Variants in HTR1F observed in about 807,000 individuals in gnomAD.
HTR1F encodes the protein 5-hydroxytryptamine receptor 1F.
A neutral mutation model predicts 24.0 loss-of-function variants in HTR1F; 17 were observed. That is an observed-to-expected ratio of 0.71 (90% confidence interval 0.48 to 1.06). The LOEUF is 1.06. Ranked by LOEUF, HTR1F falls within the 50% of genes least tolerant of loss-of-function variation. HTR1F has a pLI of 0.00. For missense variants in HTR1F, 391 were observed against 427.8 expected (o/e 0.91, Z 0.76); for synonymous variants, 186 against 156.8 (o/e 1.19, Z -1.39).
At chr3:87,821,980 G>T (rs963314697) in intron 1 of HTR1F, among the ~76,000 whole-genome samples, 28 bp from the exon 2 acceptor site, 1 of 152,084 alleles carries the variant, frequency 6.6e-6, no homozygotes, top group Non-Finnish European at 1.5e-5. Context: ...GACAAGAAAT[G>T]ATTTGTTTTA....
At chr3:87,808,181 G>C (rs1307382004) in intron 1 of HTR1F, among the ~76,000 whole-genome samples, 2 of 151,878 alleles carry the variant, frequency 1.3e-5, no homozygotes, top group African/African-American at 4.8e-5. Context: ...GGAATAGTTT[G>C]AGGAGAATTG....
At chr3:87,955,743 G>A (rs750364992) in intron 2 of HTR1F, among the ~76,000 whole-genome samples, 3 of 151,388 alleles carry the variant, frequency 2.0e-5, no homozygotes, top group Non-Finnish European at 4.4e-5. Context: ...ATTCTAATGA[G>A]TATAAACTGG....
chr3:87,909,551 A>G (rs1482464617), intron 2 of HTR1F, among the ~76,000 whole-genome samples: 1 of 152,064 alleles, frequency 6.6e-6, no homozygotes, highest in African/African-American at 2.4e-5. Context: ...AGTAACAAAC[A>G]CTTGGTAGAA....
chr3:87,801,913 T>A lies in HTR1F; in HGVS notation c.-160+9071T>A, dbSNP rs76217617. ...CCCTTATTTTATAATTATGTTTTGA[T>A]CCTTTAATACTTTGTTTTTAAGTCA... On this transcript the variant is annotated intron_variant, in intron 1 of 2. Coordinates refer to ENST00000319595, the MANE Select transcript of HTR1F (RefSeq NM_001322209.2). Among the ~76,000 whole-genome samples, 1,171 of 152,340 alleles carry A rather than the reference T, an allele frequency of 7.7e-3. 14 individuals are homozygous for A. Among genetic ancestry groups the A allele is most frequent in the African/African-American group, 0.026 (1,096 of 41,574 alleles).
chr3:87,961,033 C>T (rs1001777063), intron 2 of HTR1F, among the ~76,000 whole-genome samples: 1 of 151,864 alleles, frequency 6.6e-6, no homozygotes, highest in Non-Finnish European at 1.5e-5. Flanking sequence ...TACACACAAA[C>T]TTTCTGATGT....
At chr3:87,808,885 A>G (rs569915798) in intron 1 of HTR1F, among the ~76,000 whole-genome samples, 8 of 151,948 alleles carry the variant, frequency 5.3e-5, no homozygotes, top group Admixed American at 3.3e-4. Context: ...GTTCAGGAGC[A>G]TGTTGTTTAA....
chr3:87,962,210 A>C (rs900466119), intron 2 of HTR1F, among the ~76,000 whole-genome samples: 2 of 152,122 alleles, frequency 1.3e-5, no homozygotes, highest in Non-Finnish European at 2.9e-5. Flanking sequence ...AGAATTCAGA[A>C]TAGCTGATTT....
chr3:87,917,320 C>A (rs1482388047), intron 2 of HTR1F, among the ~76,000 whole-genome samples: 2 of 149,572 alleles, frequency 1.3e-5, no homozygotes, highest in Non-Finnish European at 3.0e-5. Flanking sequence ...AAGAACAAAC[C>A]AAACCCATAC....
chr3:87,854,206 A>C (rs2107213671), intron 2 of HTR1F, among the ~76,000 whole-genome samples: 1 of 152,086 alleles, frequency 6.6e-6, no homozygotes, highest in East Asian at 1.9e-4. Flanking sequence ...TTCCCTGAAA[A>C]TTCTTTTAGT....
At chr3:87,869,778 T>G (rs1236410997) in intron 2 of HTR1F, among the ~76,000 whole-genome samples, 2 of 152,094 alleles carry the variant, frequency 1.3e-5, no homozygotes, top group Non-Finnish European at 2.9e-5. Flanking sequence ...GGCAATCTGC[T>G]TGGCTCAGTC....
At chr3:87,912,525 C>T (rs1418752809) in intron 2 of HTR1F, among the ~76,000 whole-genome samples, 2 of 149,966 alleles carry the variant, frequency 1.3e-5, no homozygotes, top group Non-Finnish European at 3.0e-5. Flanking sequence ...AATGCTATTC[C>T]TGTCAAACCA....
At chr3:87,870,205 A>G (rs1417356834) in intron 2 of HTR1F, among the ~76,000 whole-genome samples, 1 of 152,096 alleles carries the variant, frequency 6.6e-6, no homozygotes, top group African/African-American at 2.4e-5. Flanking sequence ...TGAGGTCTGT[A>G]TTCCAAGTAA....
At position 87,843,703 on chromosome 3, in the gene HTR1F, G is replaced by C. The variant is rs1167543155; in HGVS notation, c.-43+21579G>C. On this transcript the variant is annotated intron_variant, in intron 2 of 2. Coordinates refer to ENST00000319595, the MANE Select transcript of HTR1F (RefSeq NM_001322209.2). ...CTCCCCCACCCCACAACAGTCCCCAGATTGTGATGTTCCCCTTCCTGTGTC... is the reference window on the plus strand; with the variant it reads ...CTCCCCCACCCCACAACAGTCCCCACATTGTGATGTTCCCCTTCCTGTGTC... Among the ~76,000 whole-genome samples the C allele has an allele frequency of 3.2e-5, 3 of 93,432 alleles. No individual in the cohort carries two copies. The Admixed American group carries it at 4.3e-4, about 13-fold the overall frequency. The allele number at this position is 93,432 out of a possible 152,430, so 61.3% of individuals were successfully genotyped here.
At chr3:87,935,691 C>A (rs1704395309) in intron 2 of HTR1F, among the ~76,000 whole-genome samples, 1 of 151,988 alleles carries the variant, frequency 6.6e-6, no homozygotes, top group Non-Finnish European at 1.5e-5. Flanking sequence ...ATTAAGTTTC[C>A]ATTTTGTTGA....
chr3:87,873,235 G>A (rs2074715479), intron 2 of HTR1F, among the ~76,000 whole-genome samples: 1 of 151,986 alleles, frequency 6.6e-6, no homozygotes, highest in South Asian at 2.1e-4. Context: ...AGAAACGCCA[G>A]TAGTATAATT....
rs1277750905 is a variant in HTR1F at position 87,855,191 on chromosome 3, G to A, written c.-43+33067G>A. Among the ~76,000 whole-genome samples the A allele has an allele frequency of 3.3e-5, 5 of 152,088 alleles. No individual in the cohort carries two copies. The South Asian group carries it at 8.3e-4, about 25-fold the overall frequency. On this transcript the variant is annotated intron_variant, in intron 2 of 2. Coordinates refer to ENST00000319595, the MANE Select transcript of HTR1F (RefSeq NM_001322209.2). ...CAGCCTTCCAAAGCATCTGGAGGCA[G>A]CTCTCTGCTCCTCTGTTCCCTTGTG...
chr3:87,990,042 G>A (rs1217186254), intron 2 of HTR1F, among the ~76,000 whole-genome samples: 1 of 152,138 alleles, frequency 6.6e-6, no homozygotes, highest in African/African-American at 2.4e-5. Context: ...ATGAGTCTAG[G>A]TGCTGGGGTG....
At chr3:87,856,646 CA>C (rs1440696763) in intron 2 of HTR1F, among the ~76,000 whole-genome samples, 1 of 152,084 alleles carries the variant, frequency 6.6e-6, no homozygotes, top group Non-Finnish European at 1.5e-5. Context: ...CAGAGGAAGA[CA>C]AACCTTCAGT....
At chr3:87,888,307 C>A (rs752313120) in intron 2 of HTR1F, among the ~76,000 whole-genome samples, 1 of 151,878 alleles carries the variant, frequency 6.6e-6, no homozygotes, top group Non-Finnish European at 1.5e-5. Context: ...CATCACACAC[C>A]GGGGCCTGTT....
Sources: allele counts gnomAD v4.1 joint callset (sites outside exome capture counted in the v4.1 genomes callset), GRCh38; gene constraint gnomAD v4.1.1; transcripts MANE v1.5; gene names NCBI Gene and HGNC (gene_info 2026-07-23, HGNC 2026-07-21).